Variants in STAB2 observed in about 807,000 individuals in gnomAD.
The protein encoded by STAB2 is stabilin-2.
STAB2 carries 288 observed loss-of-function variants against 338.1 expected under a neutral mutation model. The ratio of observed to expected loss-of-function variants is 0.85; its 90% confidence interval spans 0.77 to 0.94. The LOEUF (loss-of-function observed/expected upper bound fraction) is 0.94, where lower values mean the gene tolerates loss of function less well. STAB2 is among the 40% of genes least tolerant of loss of function. The probability of loss-of-function intolerance (pLI) is 0.00; values close to 1 mark genes in which losing one functional copy is unlikely to be tolerated. For missense variants in STAB2, 3,141 were observed against 3,210.1 expected (o/e 0.98, Z 0.52); for synonymous variants, 1,202 against 1,193.3 (o/e 1.01, Z -0.15).
intron 4 of STAB2, among the ~76,000 whole-genome samples, chr12:103,621,379 C>T (rs1174924312): frequency 6.6e-6 from 1 of 151,824 alleles, no homozygotes; most frequent in African/African-American, 2.4e-5. Context: ...ATTTCAAGCC[C>T]TGGGGGATTT....
At chr12:103,727,760 T>C (rs1286654590) in intron 47 of STAB2, among the ~76,000 whole-genome samples, 1 of 152,210 alleles carries the variant, frequency 6.6e-6, no homozygotes, top group Admixed American at 6.5e-5. Flanking sequence ...CATACTGGAT[T>C]GCCCATTCAT....
intron 63 of STAB2, among the ~76,000 whole-genome samples, chr12:103,756,471 G>GT (rs34252600): frequency 0.29 from 44,596 of 152,062 alleles, 7,314 homozygotes; most frequent in East Asian, 0.39. Flanking sequence ...CACATGACAG[G>GT]TGCTCCATAA....
intron 43 of STAB2, among the ~76,000 whole-genome samples, chr12:103,716,824 G>A (rs1344248178): frequency 6.6e-6 from 1 of 152,146 alleles, no homozygotes; most frequent in Non-Finnish European, 1.5e-5. Flanking sequence ...GACCTCCAAG[G>A]GTGCCCATCC....
At chr12:103,765,230 C>G (rs970296056) in intron 68 of STAB2, among the ~76,000 whole-genome samples, 1 of 152,086 alleles carries the variant, frequency 6.6e-6, no homozygotes, top group Admixed American at 6.5e-5. Flanking sequence ...CCCATGCCTT[C>G]CCTGTTGTCT....
intron 51 of STAB2, among the ~76,000 whole-genome samples, chr12:103,733,902 A>ATCATATAGGAGCAAGCACG (rs1881856670): frequency 7.5e-6 from 1 of 133,690 alleles, no homozygotes; most frequent in Admixed American, 7.1e-5. Context: ...GAGCAAGCAC[A>ATCATATAGGAGCAAGCACG]ATCACATAGG....
intron 29 of STAB2, 136 bp from the exon 30 acceptor site, chr12:103,690,288 C>T (rs1877811517): frequency 1.2e-6 from 1 of 803,466 alleles, no homozygotes; most frequent in African/African-American, 1.7e-5. Flanking sequence ...CTAACTCTAG[C>T]CAAGGCTGGT....
chr12:103,690,312 A>T (rs1877815125), intron 29 of STAB2, 112 bp from the exon 30 acceptor site: 2 of 949,980 alleles, frequency 2.1e-6, no homozygotes, highest in Admixed American at 2.8e-5. Context: ...TGCAGGGGGA[A>T]CTTGAATTTT....
intron 59 of STAB2, among the ~76,000 whole-genome samples, chr12:103,749,941 G>T (rs1350570100): frequency 6.6e-6 from 1 of 150,712 alleles, no homozygotes; most frequent in Admixed American, 6.6e-5. Flanking sequence ...TGGTTATAAA[G>T]GTGGTTCTAG....
intron 48 of STAB2, among the ~76,000 whole-genome samples, chr12:103,729,445 T>C (rs1881466279): frequency 6.6e-6 from 1 of 152,172 alleles, no homozygotes; most frequent in African/African-American, 2.4e-5. Context: ...AATAATAACA[T>C]ACGTTAAGTG....
chr12:103,606,967 G>C (rs1957038231), intron 3 of STAB2, among the ~76,000 whole-genome samples: 2 of 152,252 alleles, frequency 1.3e-5, no homozygotes, highest in South Asian at 4.2e-4. Flanking sequence ...CTGGGCAACA[G>C]AGCAAGACTC....
At chr12:103,755,197 G>A (rs1479564520) in intron 61 of STAB2, 105 bp from the exon 62 acceptor site, 9 of 1,491,072 alleles carry the variant, frequency 6.0e-6, no homozygotes, top group Non-Finnish European at 8.2e-6. Flanking sequence ...GGCAAAGTGA[G>A]ACTTTATGGG....
chr12:103,615,968 C>A (rs1019638480), intron 3 of STAB2, among the ~76,000 whole-genome samples: 3 of 152,100 alleles, frequency 2.0e-5, no homozygotes, highest in African/African-American at 7.2e-5. Context: ...GGGGACACAG[C>A]CAAACTATAT....
intron 19 of STAB2, 44 bp downstream of exon 19, chr12:103,666,397 C>T (rs1313981516): frequency 5.6e-6 from 9 of 1,604,116 alleles, no homozygotes; most frequent in Non-Finnish European, 7.7e-6. Flanking sequence ...CCCAAGCAGC[C>T]CCACTGGTGT....
At chr12:103,758,337 TCAC>T (rs755250976) in intron 64 of STAB2, 48 bp downstream of exon 64, 1 of 1,605,782 alleles carries the variant, frequency 6.2e-7, no homozygotes, top group Non-Finnish European at 8.5e-7. Context: ...ATGTTATCTA[TCAC>T]CACAACAATG....
Position 103,677,576 on chromosome 12 carries a change from G to T in STAB2, c.2770G>T (p.Asp924Tyr), listed in dbSNP as rs759097550. 6.2e-7 allele frequency: 1 copy of T among 1,613,890 alleles called. No homozygotes were observed. Among genetic ancestry groups the T allele is most frequent in the Non-Finnish European group, 8.5e-7 (1 of 1,179,898 alleles). ...CLLPSAGGCH[D>Y]NASCLYVGPG... ...GCTGCCCAGTGCAGGCGGCTGCCAC[G>T]ACAACGCATCCTGTTTGTATGTGGG... Residue 924 changes from aspartate (D) to tyrosine (Y), a missense_variant, in exon 25 of 69, where the codon GAC becomes TAC. Asp to Tyr is a radical substitution (Grantham distance 160). Coordinates refer to ENST00000388887, the MANE Select transcript of STAB2 (RefSeq NM_017564.10).
chr12:103,695,457 A>G (rs546996102), intron 31 of STAB2, 93 bp from the exon 32 acceptor site: 12 of 1,138,352 alleles, frequency 1.1e-5, no homozygotes, highest in Non-Finnish European at 1.6e-5. Flanking sequence ...TGAACTGTCT[A>G]AAGAGGTTAA....
intron 68 of STAB2, among the ~76,000 whole-genome samples, chr12:103,764,845 C>A (rs1013654834): frequency 1.3e-5 from 2 of 151,920 alleles, no homozygotes; most frequent in African/African-American, 4.8e-5. Flanking sequence ...TGCGTGTAAT[C>A]CCAGCACTTT....
intron 3 of STAB2, among the ~76,000 whole-genome samples, chr12:103,613,668 A>G (rs13313235): frequency 0.013 from 2,044 of 152,164 alleles, 39 homozygotes; most frequent in African/African-American, 0.047. Flanking sequence ...GCTTCAGCTC[A>G]CACTAGGTGC....
intron 19 of STAB2, among the ~76,000 whole-genome samples, chr12:103,668,015 G>C (rs561656537): frequency 3.0e-4 from 45 of 152,266 alleles, no homozygotes; most frequent in African/African-American, 1.1e-3. Context: ...GATTTAACCT[G>C]TCTGGGCCTG....
Sources: gnomAD v4.1 joint callset for allele counts (sites outside exome capture counted in the v4.1 genomes callset) on GRCh38, gnomAD v4.1.1 for gene constraint, MANE v1.5 for transcripts, NCBI Gene and HGNC (gene_info 2026-07-23, HGNC 2026-07-21) for gene names.